The following SLC25A13 variants were observed in gnomAD, a reference collection of about 807,000 sequenced individuals.
SLC25A13 encodes solute carrier family 25 member 13, also known as electrogenic aspartate/glutamate antiporter SLC25A13, mitochondrial.
In SLC25A13, 70 loss-of-function variants were observed where a neutral mutation model predicts 85.5. The observed-to-expected ratio is 0.82, with a 90% CI of 0.68 to 1.00. The LOEUF is 1.00. Ranked by LOEUF, SLC25A13 falls within the 50% of genes least tolerant of loss-of-function variation. The pLI is 0.00. For synonymous variants in SLC25A13, 259 were observed against 288.7 expected (o/e 0.90, Z 1.04); for missense variants, 765 against 819.8 (o/e 0.93, Z 0.82).
At chr7:96,147,103 AACGTATCCAAATGAGGAGAC>A in intron 13 of SLC25A13, among the ~76,000 whole-genome samples, 1 of 126,552 alleles carries the variant, frequency 7.9e-6, no homozygotes, top group South Asian at 2.2e-4. Flanking sequence ...GGAGACACAG[AACGTATCCAAATGAGGAGAC>A]ACAGAACAGA....
intron 13 of SLC25A13, among the ~76,000 whole-genome samples, chr7:96,153,772 C>T (rs1481668399): frequency 6.6e-6 from 1 of 152,046 alleles, no homozygotes; most frequent in Non-Finnish European, 1.5e-5. Context: ...AAAAGGGGAC[C>T]CGACATTCAA....
chr7:96,260,909 A>G (rs1356641765), intron 3 of SLC25A13, among the ~76,000 whole-genome samples: 1 of 152,134 alleles, frequency 6.6e-6, no homozygotes, highest in African/African-American at 2.4e-5. Flanking sequence ...CCCATGCTCA[A>G]AACCCTCCAA....
intron 3 of SLC25A13, among the ~76,000 whole-genome samples, chr7:96,237,280 AC>A (rs1417307421): frequency 6.6e-6 from 1 of 152,170 alleles, no homozygotes; most frequent in Non-Finnish European, 1.5e-5. Flanking sequence ...AAATGGACCG[AC>A]TTTGGTTTGG....
chr7:96,202,944 C>T (rs1490189540), intron 5 of SLC25A13, among the ~76,000 whole-genome samples: 1 of 152,162 alleles, frequency 6.6e-6, no homozygotes, highest in Admixed American at 6.6e-5. Flanking sequence ...TCTGGCCTAT[C>T]CCTGTAAGTT....
rs770649052 is a variant in SLC25A13 at position 96,296,891 on chromosome 7, T to C, written c.69+7A>G. The stretch of plus-strand genomic sequence containing the variant: ...ACAAGAAACAAAATAGATTCCTTTA[T>C]ACTGACCTTCAAAAATATTGTTCTA... On this transcript the variant is annotated splice_region_variant and intron_variant, in intron 2 of 17. Coordinates refer to ENST00000265631, the MANE Select transcript of SLC25A13 (RefSeq NM_014251.3). 1.2e-6 allele frequency: 2 copies of C among 1,611,550 alleles called. No individual in the cohort carries two copies. The highest frequency in any genetic ancestry group is 8.5e-7 in the Non-Finnish European group (1 of 1,177,794).
Position 96,292,535 on chromosome 7 carries a change from G to A in SLC25A13, c.69+4363C>T, listed in dbSNP as rs190485216. Reference sequence around the variant, plus strand: ...GATTGTATATTTAGAAAACCCCATCGTCTCAGCCCAAAATCTCCTTCAGCT... The same window carrying A: ...GATTGTATATTTAGAAAACCCCATCATCTCAGCCCAAAATCTCCTTCAGCT... On this transcript the variant is annotated intron_variant, in intron 2 of 17. Transcript: ENST00000265631. 9.7e-4 allele frequency among the ~76,000 whole-genome samples: 147 copies of A among 152,262 alleles called. 1 individual carries two copies. Among genetic ancestry groups the A allele is most frequent in the Middle Eastern group, 3.4e-3 (1 of 294 alleles).
intron 2 of SLC25A13, among the ~76,000 whole-genome samples, chr7:96,279,633 G>C (rs1469876298): frequency 1.3e-5 from 2 of 152,172 alleles, no homozygotes; most frequent in African/African-American, 4.8e-5. Context: ...CCCTTTAAAT[G>C]TGGGGATTAT....
At chr7:96,134,019 T>C (rs1217858692) in intron 14 of SLC25A13, among the ~76,000 whole-genome samples, 2 of 151,488 alleles carry the variant, frequency 1.3e-5, no homozygotes, top group African/African-American at 4.8e-5. Context: ...TTTTCTTTCA[T>C]TTGTTGTTTT....
chr7:96,302,753 T>C (rs1328910246), intron 1 of SLC25A13, among the ~76,000 whole-genome samples: 3 of 152,208 alleles, frequency 2.0e-5, no homozygotes, highest in African/African-American at 7.2e-5. Flanking sequence ...TTCAGACCAA[T>C]GGTTCTCAAA....
At chr7:96,299,243 G>C (rs1233508605) in intron 1 of SLC25A13, among the ~76,000 whole-genome samples, 2 of 152,060 alleles carry the variant, frequency 1.3e-5, no homozygotes, top group Non-Finnish European at 2.9e-5. Context: ...TGTATATTCA[G>C]TGCTCCCCAT....
At chr7:96,192,198 G>T (rs994176475) in intron 6 of SLC25A13, among the ~76,000 whole-genome samples, 1 of 152,100 alleles carries the variant, frequency 6.6e-6, no homozygotes, top group East Asian at 1.9e-4. Context: ...AAACTGAAAG[G>T]CTACTCTGAG....
At chr7:96,299,317 A>G (rs78165903) in intron 1 of SLC25A13, among the ~76,000 whole-genome samples, 1,721 of 152,340 alleles carry the variant, frequency 0.011, 31 homozygotes, top group African/African-American at 0.04. Flanking sequence ...GGTCTAGGGC[A>G]GAGAACACAA....
chr7:96,145,246 C>T (rs1792733460), intron 14 of SLC25A13, among the ~76,000 whole-genome samples: 1 of 152,118 alleles, frequency 6.6e-6, no homozygotes, highest in African/African-American at 2.4e-5. Context: ...GAGGGCATCA[C>T]TTTATATTCA....
At chr7:96,157,736 G>GTT (rs1476293244) in intron 13 of SLC25A13, among the ~76,000 whole-genome samples, 3 of 152,134 alleles carry the variant, frequency 2.0e-5, no homozygotes, top group Non-Finnish European at 4.4e-5. Flanking sequence ...AGGAGGCGGA[G>GTT]GTTACAGTGA....
rs1042645479 is a variant in SLC25A13, at chr7:96,177,602, G to C, written c.1178-6078C>G. Among the ~76,000 whole-genome samples, 189 of 152,244 alleles carry C rather than the reference G, an allele frequency of 1.2e-3. 2 individuals are homozygous for C. The highest frequency in any genetic ancestry group is 8.8e-5 in the Non-Finnish European group (6 of 68,014). On this transcript the variant is annotated intron_variant, in intron 11 of 17. Transcript: ENST00000265631. ...GGAATAATCATGATGCCATTTTCAC[G>C]GGGTAGTCGTGAAGATGAAATGAGT... is the stretch of plus-strand genomic sequence containing the variant.
intron 1 of SLC25A13, among the ~76,000 whole-genome samples, chr7:96,307,083 C>A (rs1417442578): frequency 6.6e-6 from 1 of 151,852 alleles, no homozygotes; most frequent in Non-Finnish European, 1.5e-5. Flanking sequence ...GGGGTTAGCC[C>A]TTCCCAGTGT....
chr7:96,149,658 G>C (rs1792947863), intron 13 of SLC25A13, among the ~76,000 whole-genome samples: 1 of 152,196 alleles, frequency 6.6e-6, no homozygotes, highest in African/African-American at 2.4e-5. Flanking sequence ...TAAAGGTGCT[G>C]AAGATGAAAC....
In SLC25A13 at chr7:96,207,820, C is replaced by T. The variant is rs77576323; in HGVS notation, c.468+1018G>A. Among the ~76,000 whole-genome samples the T allele has an allele frequency of 6.4e-3, 974 of 152,202 alleles. 10 individuals are homozygous for T. Among genetic ancestry groups the T allele is most frequent in the African/African-American group, 0.022 (915 of 41,532 alleles). ...GGGGAAGGGGGTCACGAGAGAAGGG[C>T]AGCAGGGACTGGGTTAGGGAAAGTG... On this transcript the variant is annotated intron_variant, in intron 5 of 17. Coordinates refer to ENST00000265631, the MANE Select transcript of SLC25A13 (RefSeq NM_014251.3).
rs150368180 is a variant in SLC25A13 at position 96,213,759 on chromosome 7, A to G, written c.329-4782T>C. 1.6e-3 allele frequency among the ~76,000 whole-genome samples: 238 copies of G among 152,338 alleles called. 3 individuals are homozygous for G. The highest frequency in any genetic ancestry group is 5.6e-3 in the African/African-American group (231 of 41,576). On this transcript the variant is annotated intron_variant, in intron 4 of 17. Transcript: ENST00000265631. ...AATTAGGTCTCTTCTGGTCTAAAAT[A>G]CAAGGCTTATACTCTTTTCCCCATG...
Sources: allele counts gnomAD v4.1 joint callset (sites outside exome capture counted in the v4.1 genomes callset), GRCh38; gene constraint gnomAD v4.1.1; transcripts MANE v1.5; gene names NCBI Gene and HGNC (gene_info 2026-07-23, HGNC 2026-07-21).